Variants in ERI3 observed in about 807,000 individuals in gnomAD.
The protein encoded by ERI3 is ERI1 exoribonuclease 3.
Under a neutral mutation model 44.4 loss-of-function variants are expected in ERI3, and 18 were observed. That is an observed-to-expected ratio of 0.41 (90% CI 0.28 to 0.60). The LOEUF (loss-of-function observed/expected upper bound fraction) is 0.60, where lower values mean the gene tolerates loss of function less well. Ranked by LOEUF, ERI3 falls within the 20% of genes least tolerant of loss-of-function variation. The pLI is 0.36. For missense variants in ERI3, 294 were observed against 435.5 expected, an observed-to-expected ratio of 0.68 and a Z score of 2.89; for synonymous variants, 183 against 164.8, an observed-to-expected ratio of 1.11 and a Z score of -0.84.
At chr1:44,332,726 T>A (rs1042062169) in intron 3 of ERI3, among the ~76,000 whole-genome samples, 2 of 152,230 alleles carry the variant, frequency 1.3e-5, no homozygotes, top group African/African-American at 2.4e-5. Flanking sequence ...AGCAAACGCT[T>A]GTTCCCATTC....
At chr1:44,325,823 G>A (rs1646301667) in intron 3 of ERI3, among the ~76,000 whole-genome samples, 1 of 151,978 alleles carries the variant, frequency 6.6e-6, no homozygotes, top group Admixed American at 6.6e-5. Flanking sequence ...TAATTTTTGT[G>A]TTTTTACTAA....
chr1:44,341,081 T>C (rs1646643097), intron 2 of ERI3, among the ~76,000 whole-genome samples: 1 of 152,224 alleles, frequency 6.6e-6, no homozygotes, highest in Admixed American at 6.5e-5. Flanking sequence ...TTCTACAGTG[T>C]GCACAGAATA....
intron 3 of ERI3, among the ~76,000 whole-genome samples, chr1:44,325,852 T>A (rs1453864336): frequency 6.6e-6 from 1 of 152,146 alleles, no homozygotes; most frequent in Non-Finnish European, 1.5e-5. Flanking sequence ...TTTTGCCACG[T>A]TGGCCAGGTG....
At chr1:44,285,526 A>C (rs1399337282) in intron 6 of ERI3, among the ~76,000 whole-genome samples, 2 of 152,206 alleles carry the variant, frequency 1.3e-5, no homozygotes, top group Admixed American at 6.5e-5. Flanking sequence ...GCCAGGTAGA[A>C]GGATAAGAAG....
At chr1:44,257,719 CCTCT>C (rs1442402186) in intron 7 of ERI3, among the ~76,000 whole-genome samples, 2 of 152,280 alleles carry the variant, frequency 1.3e-5, no homozygotes, top group East Asian at 3.9e-4. Flanking sequence ...ATACACCCTC[CCTCT>C]AACCCAGCCC....
intron 6 of ERI3, among the ~76,000 whole-genome samples, chr1:44,307,331 T>C (rs547128468): frequency 7.2e-5 from 11 of 152,126 alleles, no homozygotes; most frequent in Non-Finnish European, 1.2e-4. Flanking sequence ...TGACACCTGA[T>C]GTGGTAGAAA....
intron 1 of ERI3, 136 bp from the exon 2 acceptor site, chr1:44,353,061 A>G (rs1646928684): frequency 1.3e-6 from 2 of 1,491,760 alleles, no homozygotes; most frequent in South Asian, 2.7e-5. Flanking sequence ...CAGTGCCCCC[A>G]CAGAGCTTTC....
intron 8 of ERI3, among the ~76,000 whole-genome samples, chr1:44,239,398 A>G (rs1644383333): frequency 6.6e-6 from 1 of 152,190 alleles, no homozygotes; most frequent in Non-Finnish European, 1.5e-5. Flanking sequence ...ATGGGATATG[A>G]GTGTGAATGA....
At chr1:44,261,324 A>G (rs1183267621) in intron 7 of ERI3, among the ~76,000 whole-genome samples, 1 of 152,216 alleles carries the variant, frequency 6.6e-6, no homozygotes. Flanking sequence ...AGTGCTCCCC[A>G]TTTATCAAGC....
intron 8 of ERI3, among the ~76,000 whole-genome samples, chr1:44,246,556 C>A (rs1644558464): frequency 1.3e-5 from 2 of 152,228 alleles, no homozygotes. Context: ...GATGTCCCAA[C>A]AAGAATATGG....
chr1:44,231,121 G>A (rs1479895508), intron 8 of ERI3, among the ~76,000 whole-genome samples: 7 of 152,034 alleles, frequency 4.6e-5, no homozygotes, highest in African/African-American at 7.2e-5. Flanking sequence ...TTATATAATC[G>A]TTTATATAAT....
intron 8 of ERI3, among the ~76,000 whole-genome samples, chr1:44,223,816 C>A (rs1360837367): frequency 6.6e-6 from 1 of 152,150 alleles, no homozygotes; most frequent in Non-Finnish European, 1.5e-5. Flanking sequence ...GACCTCTCCC[C>A]ACTCTACACA....
intron 4 of ERI3, among the ~76,000 whole-genome samples, chr1:44,319,132 A>G (rs1646148320): frequency 6.6e-6 from 1 of 152,224 alleles, no homozygotes; most frequent in East Asian, 1.9e-4. Context: ...GCCAGGTCTC[A>G]TGCTTCACTG....
intron 6 of ERI3, among the ~76,000 whole-genome samples, chr1:44,298,543 A>G (rs1259572745): frequency 1.3e-5 from 2 of 152,270 alleles, no homozygotes; most frequent in Admixed American, 6.5e-5. Context: ...GGAATACTAC[A>G]CAGAAATATA....
chr1:44,245,401 C>A (rs371818661), intron 8 of ERI3, among the ~76,000 whole-genome samples: 2 of 152,258 alleles, frequency 1.3e-5, no homozygotes, highest in African/African-American at 4.8e-5. Context: ...CCTGGGGAGC[C>A]GCTGGTGCTG....
intron 7 of ERI3, among the ~76,000 whole-genome samples, chr1:44,270,358 C>T (rs1209693626): frequency 6.6e-6 from 1 of 152,208 alleles, no homozygotes; most frequent in Admixed American, 6.5e-5. Flanking sequence ...AGAGAAGCGG[C>T]TTATCTAGTC....
chr1:44,224,932 A>T (rs1643999397), intron 8 of ERI3, among the ~76,000 whole-genome samples: 1 of 152,146 alleles, frequency 6.6e-6, no homozygotes, highest in Non-Finnish European at 1.5e-5. Context: ...AGCCTTGACA[A>T]ATATATATAT....
intron 7 of ERI3, among the ~76,000 whole-genome samples, chr1:44,266,251 G>C (rs894986840): frequency 1.3e-5 from 2 of 152,202 alleles, no homozygotes; most frequent in Non-Finnish European, 2.9e-5. Flanking sequence ...GAGGAGTTAA[G>C]TCTTGAAGGA....
intron 7 of ERI3, among the ~76,000 whole-genome samples, chr1:44,258,341 C>T (rs541185470): frequency 6.6e-6 from 1 of 152,140 alleles, no homozygotes; most frequent in Admixed American, 6.5e-5. Flanking sequence ...GCGGCACTAC[C>T]GCCACCACCA....
Sources: allele counts gnomAD v4.1 joint callset (sites outside exome capture counted in the v4.1 genomes callset), GRCh38; gene constraint gnomAD v4.1.1; transcripts MANE v1.5; gene names NCBI Gene and HGNC (gene_info 2026-07-23, HGNC 2026-07-21).